C12orf43: variants seen among roughly 807,000 people sequenced by gnomAD.
C12orf43 encodes the protein protein CUSTOS.
In C12orf43, 15 loss-of-function variants were observed where a neutral mutation model predicts 20.6. The ratio of observed to expected loss-of-function variants is 0.73; its 90% confidence interval spans 0.49 to 1.12. The LOEUF (loss-of-function observed/expected upper bound fraction) is 1.12. C12orf43 is among the 50% of genes most tolerant of loss of function. C12orf43 has a pLI of 0.00. For missense variants in C12orf43, 334 were observed against 344.4 expected (o/e 0.97, Z 0.24); for synonymous variants, 144 against 130.8 (o/e 1.10, Z -0.69).
chr12:121,001,474 A>G lies in C12orf43; in HGVS notation c.*2679T>C. 2.0e-6 allele frequency: 1 copy of G among 492,698 alleles called. No individual in the cohort carries two copies. The highest frequency in any genetic ancestry group is 3.7e-6 in the Non-Finnish European group (1 of 267,050). The allele number at this position is 492,698 out of a possible 1,614,324, so 30.5% of individuals were successfully genotyped here. A position where few individuals can be genotyped will look rare whatever the true frequency, so the allele number is the denominator to read the frequency against. On this transcript the variant is annotated 3_prime_UTR_variant, in exon 6 of 6. Coordinates refer to ENST00000288757, the MANE Select transcript of C12orf43 (RefSeq NM_022895.3). The stretch of plus-strand genomic sequence containing the variant: ...GGACTGTCGCTGCTTCGTGGGATAC[A>G]GTCTTCTTACTTGGAACTGAAGGGG...
chr12:121,006,141 G>A (rs1267292313), intron 4 of C12orf43, 180 bp downstream of exon 4: 18 of 554,772 alleles, frequency 3.2e-5, no homozygotes, highest in South Asian at 8.9e-5. Flanking sequence ...GCTTGGGTCC[G>A]GGAGGTTGAG....
At chr12:121,016,125 G>T (rs1434435651) in intron 1 of C12orf43, 12 of 796,090 alleles carry the variant, frequency 1.5e-5, no homozygotes, top group Non-Finnish European at 2.3e-5. Context: ...AGACATTTGG[G>T]TACCTCAGCT....
At position 121,001,504 on chromosome 12, in the gene C12orf43, C is replaced by A; in HGVS notation, c.*2649G>T. The A allele has an allele frequency of 4.3e-6, 2 of 461,852 alleles. No homozygotes were observed. The highest frequency in any genetic ancestry group is 8.1e-6 in the Non-Finnish European group (2 of 247,006). The allele number at this position is 461,852 out of a possible 1,614,324, so 28.6% of individuals were successfully genotyped here. On this transcript the variant is annotated 3_prime_UTR_variant, in exon 6 of 6. Coordinates refer to ENST00000288757, the MANE Select transcript of C12orf43 (RefSeq NM_022895.3). ...TCTTACTTGGAACTGAAGGGGGCGG[C>A]CTATGACTTGGGCACCCCCAGCCTG...
At chr12:121,008,005 T>C (rs2257962) in intron 3 of C12orf43, among the ~76,000 whole-genome samples, 48,426 of 132,396 alleles carry the variant, frequency 0.37, 8,719 homozygotes, top group Middle Eastern at 0.59. Flanking sequence ...AGGCCAGGGA[T>C]GTTGGTAAAC....
At position 121,011,103 on chromosome 12, in the gene C12orf43, C is replaced by T; in HGVS notation, c.188+1G>A. 1.2e-6 allele frequency: 2 copies of T among 1,613,892 alleles called. No homozygotes were observed. Among genetic ancestry groups the T allele is most frequent in the African/African-American group, 1.3e-5 (1 of 74,966 alleles). On this transcript the variant is annotated splice_donor_variant, in intron 2 of 5. Transcript: ENST00000288757. LOFTEE classifies it high-confidence loss of function. ...AAACTTGAACCCAAAGTGCATAGTA[C>T]CTGAGGCTCGGTTGGGAGGTTGACA...
intron 3 of C12orf43, among the ~76,000 whole-genome samples, chr12:121,008,911 ACTGTGGC>A (rs1194181847): frequency 6.6e-6 from 1 of 152,240 alleles, no homozygotes; most frequent in Non-Finnish European, 1.5e-5. Flanking sequence ...AAACAAAGGC[ACTGTGGC>A]CAAACAAGTT....
In C12orf43 at chr12:121,004,115, T is replaced by A. The variant is rs1877760005; in HGVS notation, c.*38A>T. On this transcript the variant is annotated 3_prime_UTR_variant, in exon 6 of 6. Transcript: ENST00000288757. This position sits in a 1 kb window ranked among gnomAD's most constrained non-coding sequence, Gnocchi z 5.6. ...TCCCCAGGGTGGGGGGGACACCTTG[T>A]CCTTGGAGCTGGCTGAGCCCTGTGC... The A allele has an allele frequency of 6.2e-7, 1 of 1,604,078 alleles. No individual in the cohort carries two copies. The highest frequency in any genetic ancestry group is 2.2e-5 in the East Asian group (1 of 44,826).
chr12:121,010,865 C>T lies in C12orf43; in HGVS notation c.250G>A (p.Ala84Thr). Residue 84 changes from alanine to threonine, a missense_variant, in exon 3 of 6, where the codon GCC (alanine) becomes ACC (threonine). Transcript: ENST00000288757. ...GCTCCCAGCTTCTTGGCTACGTGGG[C>T]TCGGAATTCAGGGGTGGTCTGAAGC... ...NELQTTPEFR[A>T]HVAKKLGALL... The T allele has an allele frequency of 6.2e-7, 1 of 1,614,136 alleles. No individual in the cohort carries two copies. Among genetic ancestry groups the T allele is most frequent in the Non-Finnish European group, 8.5e-7 (1 of 1,180,006 alleles).
At chr12:121,010,179 G>A (rs147625788) in intron 3 of C12orf43, among the ~76,000 whole-genome samples, 69 of 152,294 alleles carry the variant, frequency 4.5e-4, no homozygotes, top group Admixed American at 1.7e-3. Flanking sequence ...GCAGGTGCCC[G>A]TTAAGTCCAG....
At position 121,005,031 on chromosome 12, in the gene C12orf43, G is replaced by A. The variant is rs752827300; in HGVS notation, c.424C>T (p.Arg142Cys). The A allele has an allele frequency of 3.8e-5, 58 of 1,528,470 alleles. No individual in the cohort carries two copies. The highest frequency in any genetic ancestry group is 1.7e-4 in the Middle Eastern group (1 of 5,796). The allele number at this position is 1,528,470 out of a possible 1,614,324, so 94.7% of individuals were successfully genotyped here. ...GREKEESPQP[R>C]RKRQPSSSSE... ...GAGCTGGAGGGCTGTCGCTTTCGGC[G>A]GGGTTGGGGAGACTCTTCCTTCTCA... Residue 142 changes from arginine to cysteine, a missense_variant, in exon 5 of 6, where the codon CGC becomes TGC. By Grantham distance (180) the Arg-to-Cys change is radical (BLOSUM62 -3). Coordinates refer to ENST00000288757, the MANE Select transcript of C12orf43 (RefSeq NM_022895.3). This position sits in a 1 kb window ranked among gnomAD's most constrained non-coding sequence, Gnocchi z 5.6.
At position 121,001,072 on chromosome 12, in the gene C12orf43, C is replaced by A. The variant is rs761305679; in HGVS notation, c.*3081G>T. The A allele has an allele frequency of 1.9e-6, 3 of 1,613,342 alleles. No homozygotes were observed. The African/African-American group carries it at 4.0e-5, about 22-fold the overall frequency. On this transcript the variant is annotated 3_prime_UTR_variant, in exon 6 of 6. Coordinates refer to ENST00000288757, the MANE Select transcript of C12orf43 (RefSeq NM_022895.3). ...CCTTGTTTGCCTCTGCAGTGTCCTC[C>A]AGCAGCCTGGTGCTGTACCAGAGCT...
At chr12:121,006,519 T>A in intron 3 of C12orf43, 125 bp from the exon 4 acceptor site, 2 of 854,542 alleles carry the variant, frequency 2.3e-6, no homozygotes, top group Non-Finnish European at 3.9e-6. Context: ...CGTGCTGGCC[T>A]AGTAAGAGGG....
Position 121,005,147 on chromosome 12 carries a change from A to T in C12orf43, c.362-54T>A. The T allele has an allele frequency of 1.1e-6, 1 of 904,576 alleles. No homozygotes were observed. The highest frequency in any genetic ancestry group is 3.3e-5 in the East Asian group (1 of 30,002). The allele number at this position is 904,576 out of a possible 1,614,324, so 56.0% of individuals were successfully genotyped here. A position where few individuals can be genotyped will look rare whatever the true frequency, so the allele number is the denominator to read the frequency against. ...AAAACAAAACAAAACAAAAAGAAACATAAAAAAATAAAAAATAAAGAAACA... is the reference window on the plus strand; with the variant it reads ...AAAACAAAACAAAACAAAAAGAAACTTAAAAAAATAAAAAATAAAGAAACA... On this transcript the variant is annotated intron_variant, in intron 4 of 5. Coordinates refer to ENST00000288757, the MANE Select transcript of C12orf43 (RefSeq NM_022895.3). The surrounding 1 kb of genome is among the most constrained non-coding windows in gnomAD (Gnocchi z 5.6).
chr12:121,016,480 A>G lies in C12orf43; in HGVS notation c.-6T>C, dbSNP rs756962191. 4 of 1,613,900 alleles carry G rather than the reference A, an allele frequency of 2.5e-6. No individual in the cohort carries two copies. The highest frequency in any genetic ancestry group is 3.4e-6 in the Non-Finnish European group (4 of 1,179,992). On this transcript the variant is annotated 5_prime_UTR_variant, in exon 1 of 6. Coordinates refer to ENST00000288757, the MANE Select transcript of C12orf43 (RefSeq NM_022895.3). ...GTGCCACTGGGCGCCGCCATCTTGA[A>G]CCACCGCAAAGGATTGTGGAGAACA...
At position 121,011,150 on chromosome 12, in the gene C12orf43, T is replaced by A; in HGVS notation, c.146-4A>T. 1.9e-6 allele frequency: 3 copies of A among 1,613,472 alleles called. No individual in the cohort carries two copies. On this transcript the variant is annotated splice_region_variant and splice_polypyrimidine_tract_variant and intron_variant, in intron 1 of 5. Coordinates refer to ENST00000288757, the MANE Select transcript of C12orf43 (RefSeq NM_022895.3). ...GACAACTGGCTATTTGCAGCACCTG[T>A]GGAAAAATGAAAATTAGGGCATTTA...
chr12:121,014,037 T>C (rs1170174439), intron 1 of C12orf43, among the ~76,000 whole-genome samples: 2 of 152,138 alleles, frequency 1.3e-5, no homozygotes, highest in African/African-American at 4.8e-5. Flanking sequence ...CACTCAAGAA[T>C]GTAATCTAGG....
Position 121,004,936 on chromosome 12 carries a change from C to T in C12orf43, c.452+67G>A, listed in dbSNP as rs1267961731. 4 of 1,231,432 alleles carry T rather than the reference C, an allele frequency of 3.2e-6. No individual in the cohort carries two copies. The highest frequency in any genetic ancestry group is 4.3e-6 in the Non-Finnish European group (4 of 922,442). 76.3% of individuals were successfully genotyped at this position (1,231,432 alleles called of 1,614,324 possible). ...CTGACTGGAGTCTGCTTGGCTATTC[C>T]AGGGAACCCACCAAGACAGAAGAGG... On this transcript the variant is annotated intron_variant, in intron 5 of 5. Coordinates refer to ENST00000288757, the MANE Select transcript of C12orf43 (RefSeq NM_022895.3). The surrounding 1 kb of genome is among the most constrained non-coding windows in gnomAD (Gnocchi z 5.6).
At position 121,000,857 on chromosome 12, in the gene C12orf43, T is replaced by G. The variant is rs1316310074; in HGVS notation, c.*3296A>C. The G allele has an allele frequency of 1.6e-6, 1 of 637,280 alleles. No homozygotes were observed. Among genetic ancestry groups the G allele is most frequent in the Non-Finnish European group, 2.8e-6 (1 of 356,290 alleles). 39.5% of individuals were successfully genotyped at this position (637,280 alleles called of 1,614,324 possible). On this transcript the variant is annotated 3_prime_UTR_variant, in exon 6 of 6. Transcript: ENST00000288757. ...CTCCAGTGTTCACACTAAGATGTAC[T>G]CAGGCCACTCCATGGGCGGCCGTGG...
chr12:121,016,131 C>T (rs1425982576), intron 1 of C12orf43, 199 bp downstream of exon 1: 2 of 843,540 alleles, frequency 2.4e-6, no homozygotes, highest in Admixed American at 2.0e-5. Flanking sequence ...TTGGGTACCT[C>T]AGCTTCCCCG....
Sources: allele counts gnomAD v4.1 joint callset (sites outside exome capture counted in the v4.1 genomes callset), GRCh38; gene constraint gnomAD v4.1.1; non-coding constraint Gnocchi (gnomAD v3.1); transcripts MANE v1.5; gene names NCBI Gene and HGNC (gene_info 2026-07-23, HGNC 2026-07-21).